Variants in NFILZ observed in about 807,000 individuals in gnomAD.
The protein encoded by NFILZ is NFIL3 like protein.
intron 3 of NFILZ, among the ~76,000 whole-genome samples, chr19:8,653,036 CTT>C (rs1320866869): frequency 2.4e-4 from 17 of 69,506 alleles, no homozygotes; most frequent in African/African-American, 1.0e-3. Flanking sequence ...TTCTTTCTTT[CTT>C]TCTCTCTCTC....
chr19:8,640,519 G>C (rs1477166447), intron 3 of NFILZ, among the ~76,000 whole-genome samples: 1 of 152,068 alleles, frequency 6.6e-6, no homozygotes, highest in Non-Finnish European at 1.5e-5. Context: ...GTGAGCAGCA[G>C]AAGGTGCCTT....
chr19:8,656,295 A>C (rs2042994629), intron 3 of NFILZ, among the ~76,000 whole-genome samples: 2 of 69,250 alleles, frequency 2.9e-5, no homozygotes, highest in African/African-American at 5.1e-5. Flanking sequence ...CCCACAGCCC[A>C]CCTCCTCCCG....
chr19:8,662,647 T>A (rs1236787423), intron 3 of NFILZ, among the ~76,000 whole-genome samples: 1 of 151,380 alleles, frequency 6.6e-6, no homozygotes, highest in African/African-American at 2.4e-5. Flanking sequence ...TTCCTTTTTT[T>A]TTTTTTTTGA....
At chr19:8,642,659 C>G (rs1938907745) in intron 3 of NFILZ, among the ~76,000 whole-genome samples, 1 of 152,054 alleles carries the variant, frequency 6.6e-6, no homozygotes, top group Non-Finnish European at 1.5e-5. Flanking sequence ...GGTGGGCTTG[C>G]TCAAGCTCAT....
At chr19:8,630,790 G>A (rs1439581231) in intron 1 of NFILZ, 46 bp downstream of exon 1, 1 of 152,206 alleles carries the variant, frequency 6.6e-6, no homozygotes, top group Non-Finnish European at 1.5e-5. Context: ...GCCTTGGGTG[G>A]GACATTTCTG....
At chr19:8,641,674 T>C (rs1483829042) in intron 3 of NFILZ, among the ~76,000 whole-genome samples, 3 of 152,180 alleles carry the variant, frequency 2.0e-5, no homozygotes, top group Non-Finnish European at 4.4e-5. Flanking sequence ...GAACTGGATG[T>C]GAGTTCCCTT....
chr19:8,637,291 G>A (rs2042898847), intron 3 of NFILZ, among the ~76,000 whole-genome samples: 1 of 151,952 alleles, frequency 6.6e-6, no homozygotes, highest in South Asian at 2.1e-4. Flanking sequence ...ATTGTAGTGA[G>A]CTGAGATCAC....
At chr19:8,672,443 GTTAGTTCATTCAAAAAATCCATGCATTTA>G (rs1416586311) in intron 3 of NFILZ, among the ~76,000 whole-genome samples, 1 of 147,414 alleles carries the variant, frequency 6.8e-6, no homozygotes, top group African/African-American at 2.6e-5. Context: ...CCATGCATTT[GTTAGTTCATTCAAAAAATCCATGCATTTA>G]TTAGTTCATT....
At chr19:8,650,274 C>T (rs2042959439) in intron 3 of NFILZ, among the ~76,000 whole-genome samples, 1 of 152,062 alleles carries the variant, frequency 6.6e-6, no homozygotes, top group Non-Finnish European at 1.5e-5. Context: ...CACCCAGCTT[C>T]CTCTAACAAG....
intron 3 of NFILZ, among the ~76,000 whole-genome samples, chr19:8,645,946 A>C (rs1479966638): frequency 1.3e-5 from 2 of 152,368 alleles, no homozygotes; most frequent in East Asian, 3.9e-4. Context: ...TTTGCCATTA[A>C]AAGTAACTGG....
rs1375621713 is a variant in NFILZ, at chr19:8,653,060, C to T, written c.-164+17314C>T. 1.7e-3 allele frequency among the ~76,000 whole-genome samples: 214 copies of T among 126,124 alleles called. 3 individuals are homozygous for T. Among genetic ancestry groups the T allele is most frequent in the African/African-American group, 5.2e-3 (169 of 32,326 alleles). 82.7% of individuals were successfully genotyped at this position (126,124 alleles called of 152,430 possible). A position where few individuals can be genotyped will look rare whatever the true frequency, so the allele number is the denominator to read the frequency against. On this transcript the variant is annotated intron_variant, in intron 3 of 5. Transcript: ENST00000691075. ...TCTTTCTCTCTCTCTCTCTCTCTCT[C>T]TCTCTCTCTCTCTCTCTCTCTCTTT... is the stretch of plus-strand genomic sequence containing the variant.
In NFILZ at chr19:8,645,545, A is replaced by G. The variant is rs60362802; in HGVS notation, c.-164+9799A>G. 1.6e-3 allele frequency among the ~76,000 whole-genome samples: 250 copies of G among 152,286 alleles called. 1 individual carries two copies. The highest frequency in any genetic ancestry group is 5.7e-3 in the African/African-American group (238 of 41,556). On this transcript the variant is annotated intron_variant, in intron 3 of 5. Transcript: ENST00000691075. ...ATCTTTTGGTTACAGTGATTGGCTC[A>G]GGAGTGAGTGTGTAACACACCCAGA...
intron 3 of NFILZ, among the ~76,000 whole-genome samples, chr19:8,673,248 T>C (rs2043096282): frequency 6.6e-6 from 1 of 152,136 alleles, no homozygotes; most frequent in Non-Finnish European, 1.5e-5. Context: ...CTCAGTTGCA[T>C]GGTCTGTAAG....
chr19:8,657,754 T>C (rs1441017438), intron 3 of NFILZ, among the ~76,000 whole-genome samples: 4 of 152,288 alleles, frequency 2.6e-5, no homozygotes, highest in East Asian at 1.9e-4. Flanking sequence ...TGCAGCAGGT[T>C]TCTGGGGGGC....
chr19:8,633,014 C>T (rs1326801356), intron 2 of NFILZ, among the ~76,000 whole-genome samples: 1 of 140,994 alleles, frequency 7.1e-6, no homozygotes, highest in Admixed American at 7.9e-5. Context: ...TGAACCACTG[C>T]ACCTGCCTTT....
chr19:8,653,615 A>G (rs1884307259), intron 3 of NFILZ, among the ~76,000 whole-genome samples: 1 of 152,222 alleles, frequency 6.6e-6, no homozygotes, highest in African/African-American at 2.4e-5. Flanking sequence ...AACGTGGTAT[A>G]TATACATCAT....
At chr19:8,672,303 C>T (rs142692048) in intron 3 of NFILZ, among the ~76,000 whole-genome samples, 1 of 151,262 alleles carries the variant, frequency 6.6e-6, no homozygotes, top group African/African-American at 2.4e-5. Context: ...TTAGTTCATT[C>T]AAAAAAAATC....
intron 3 of NFILZ, among the ~76,000 whole-genome samples, chr19:8,668,073 C>T (rs141640501): frequency 0.011 from 1,645 of 152,144 alleles, 16 homozygotes; most frequent in Middle Eastern, 0.037. Flanking sequence ...GCTTCAGCCT[C>T]TCCAGTAGCC....
intron 3 of NFILZ, among the ~76,000 whole-genome samples, chr19:8,663,164 G>T (rs1218915200): frequency 6.6e-6 from 1 of 151,376 alleles, no homozygotes; most frequent in East Asian, 2.0e-4. Context: ...TTGCTATGTT[G>T]CTCAGGCTGG....
Sources: allele counts gnomAD v4.1 joint callset (sites outside exome capture counted in the v4.1 genomes callset), GRCh38; gene constraint gnomAD v4.1.1; transcripts MANE v1.5; gene names NCBI Gene and HGNC (gene_info 2026-07-23, HGNC 2026-07-21).